SFTPA1: variants seen among roughly 807,000 people sequenced by gnomAD.
SFTPA1 encodes the protein surfactant protein A1.
A neutral mutation model predicts 19.1 loss-of-function variants in SFTPA1; 13 were observed. That is an observed-to-expected ratio of 0.68 (90% CI 0.44 to 1.08). The LOEUF (loss-of-function observed/expected upper bound fraction) is 1.08, where lower values mean the gene tolerates loss of function less well. Ranked by LOEUF, SFTPA1 falls within the 50% of genes least tolerant of loss-of-function variation. SFTPA1 has a pLI of 0.00. For synonymous variants in SFTPA1, 101 were observed against 117.0 expected, an observed-to-expected ratio of 0.86 and a Z score of 0.88; for missense variants, 259 against 316.4, an observed-to-expected ratio of 0.82 and a Z score of 1.38.
rs1059077 is a variant in SFTPA1, at chr10:79,614,371, C to T, written c.*258C>T. The T allele has an allele frequency of 1.8e-4, 104 of 591,208 alleles. No individual in the cohort carries two copies. The highest frequency in any genetic ancestry group is 1.3e-3 in the African/African-American group (71 of 53,746). 36.6% of individuals were successfully genotyped at this position (591,208 alleles called of 1,614,324 possible). On this transcript the variant is annotated 3_prime_UTR_variant, in exon 6 of 6. Coordinates refer to ENST00000398636, the MANE Select transcript of SFTPA1 (RefSeq NM_005411.5). ...GGCAGCCACTCTTAGCCTTGGCCTTCGACATGAGATGGAGCCCTCCTTATT... is the reference window on the plus strand; with the variant it reads ...GGCAGCCACTCTTAGCCTTGGCCTTTGACATGAGATGGAGCCCTCCTTATT...
rs1860009527 is a variant in SFTPA1, at chr10:79,613,852, T to A, written c.486T>A (p.Ile162=). The A allele has an allele frequency of 6.2e-7, 1 of 1,613,818 alleles. No homozygotes were observed. Residue 162 remains isoleucine (I), a synonymous_variant, in exon 6 of 6, where the codon ATT becomes ATA. Transcript: ENST00000398636. ...QEACARAGGR[I]AVPRNPEENE... ...CATGTGCCAGAGCAGGCGGCCGCATTGCTGTCCCAAGGAATCCAGAGGAAA... is the reference window on the plus strand; with the variant it reads ...CATGTGCCAGAGCAGGCGGCCGCATAGCTGTCCCAAGGAATCCAGAGGAAA...
rs1197999974 is a variant in SFTPA1 at position 79,611,302 on chromosome 10, T to C, written c.-94-17T>C. Reference sequence around the variant, plus strand: ...GGGGCCAGGCTGCGGGCCCCGTTCATCTTTTTTCATTCTCAGGTCGCTGAT... The same window carrying C: ...GGGGCCAGGCTGCGGGCCCCGTTCACCTTTTTTCATTCTCAGGTCGCTGAT... On this transcript the variant is annotated splice_polypyrimidine_tract_variant and intron_variant, in intron 1 of 5. Transcript: ENST00000398636. 5.7e-6 allele frequency: 2 copies of C among 353,352 alleles called. No homozygotes were observed. Among genetic ancestry groups the C allele is most frequent in the Non-Finnish European group, 1.0e-5 (2 of 193,122 alleles). 21.9% of individuals were successfully genotyped at this position (353,352 alleles called of 1,614,324 possible). A position where few individuals can be genotyped will look rare whatever the true frequency, so the allele number is the denominator to read the frequency against.
rs371681054 is a variant in SFTPA1, at chr10:79,614,325, C to A, written c.*212C>A. On this transcript the variant is annotated 3_prime_UTR_variant, in exon 6 of 6. Coordinates refer to ENST00000398636, the MANE Select transcript of SFTPA1 (RefSeq NM_005411.5). ...CCAGCCTTGACACTCCCCTTGCAAACTCTCCCAGCACTGCACCCCAGGCAG... is the reference window on the plus strand; with the variant it reads ...CCAGCCTTGACACTCCCCTTGCAAAATCTCCCAGCACTGCACCCCAGGCAG... The A allele has an allele frequency of 3.9e-6, 3 of 771,114 alleles. No homozygotes were observed. The highest frequency in any genetic ancestry group is 6.1e-6 in the Non-Finnish European group (3 of 491,866). The allele number at this position is 771,114 out of a possible 1,614,324, so 47.8% of individuals were successfully genotyped here.
chr10:79,614,893 CA>C lies in SFTPA1; in HGVS notation c.*781del, dbSNP rs1860079762. On this transcript the variant is annotated 3_prime_UTR_variant, in exon 6 of 6. Transcript: ENST00000398636. ...TACTTCAGATTTCAGTGGGCATTCACACCACCCCCCACACCACTGGCTCTGC... is the reference window on the plus strand; with the variant it reads ...TACTTCAGATTTCAGTGGGCATTCACCCACCCCCCACACCACTGGCTCTGC... 13 of 936,392 alleles carry C rather than the reference CA, an allele frequency of 1.4e-5. No individual in the cohort carries two copies. The highest frequency in any genetic ancestry group is 1.9e-5 in the Non-Finnish European group (13 of 680,540). The allele number at this position is 936,392 out of a possible 1,614,324, so 58.0% of individuals were successfully genotyped here.
rs1250991 is a variant in SFTPA1 at position 79,614,895 on chromosome 10, C to T, written c.*782C>T. 0.46 allele frequency: 432,966 copies of T among 951,190 alleles called. 107,443 individuals are homozygous for T. The highest frequency in any genetic ancestry group is 0.85 in the African/African-American group (49,588 of 58,192). 58.9% of individuals were successfully genotyped at this position (951,190 alleles called of 1,614,324 possible). ...CTTCAGATTTCAGTGGGCATTCACACCACCCCCCACACCACTGGCTCTGCT... is the reference window on the plus strand; with the variant it reads ...CTTCAGATTTCAGTGGGCATTCACATCACCCCCCACACCACTGGCTCTGCT... On this transcript the variant is annotated 3_prime_UTR_variant, in exon 6 of 6. Coordinates refer to ENST00000398636, the MANE Select transcript of SFTPA1 (RefSeq NM_005411.5).
Position 79,614,501 on chromosome 10 carries a change from C to G in SFTPA1, c.*388C>G, listed in dbSNP as rs1589241917. The G allele has an allele frequency of 4.5e-6, 1 of 221,948 alleles. No individual in the cohort carries two copies. The highest frequency in any genetic ancestry group is 2.5e-5 in the African/African-American group (1 of 39,514). The allele number at this position is 221,948 out of a possible 1,614,324, so 13.7% of individuals were successfully genotyped here. ...AGTGCCTGCCTCCTGGTCCCCTCAGCTCTCTCTCTGCAACCCAGTGCCATC... is the reference window on the plus strand; with the variant it reads ...AGTGCCTGCCTCCTGGTCCCCTCAGGTCTCTCTCTGCAACCCAGTGCCATC... On this transcript the variant is annotated 3_prime_UTR_variant, in exon 6 of 6. Coordinates refer to ENST00000398636, the MANE Select transcript of SFTPA1 (RefSeq NM_005411.5).
At position 79,614,438 on chromosome 10, in the gene SFTPA1, G is replaced by A. The variant is rs1174319916; in HGVS notation, c.*325G>A. 7.6e-6 allele frequency: 3 copies of A among 396,976 alleles called. No individual in the cohort carries two copies. The highest frequency in any genetic ancestry group is 1.4e-5 in the Non-Finnish European group (3 of 210,846). The allele number at this position is 396,976 out of a possible 1,614,324, so 24.6% of individuals were successfully genotyped here. On this transcript the variant is annotated 3_prime_UTR_variant, in exon 6 of 6. Transcript: ENST00000398636. ...TCCTTCACTTACAGATGGCAGCAGT[G>A]AGGTCTTGGGGTAGAAGGACCCTCC...
rs1234069578 is a variant in SFTPA1, at chr10:79,613,271, G to A, written c.370+5G>A. The A allele has an allele frequency of 1.9e-6, 3 of 1,614,058 alleles. No individual in the cohort carries two copies. Among genetic ancestry groups the A allele is most frequent in the South Asian group, 1.1e-5 (1 of 91,058 alleles). On this transcript the variant is annotated splice_donor_5th_base_variant and intron_variant, in intron 5 of 5. Coordinates refer to ENST00000398636, the MANE Select transcript of SFTPA1 (RefSeq NM_005411.5). ...AAATCCTGCAGACAAGGGGAGGTAAGGGGACCCCCTGGGCCTCACGGGGTA... is the reference window on the plus strand; with the variant it reads ...AAATCCTGCAGACAAGGGGAGGTAAAGGGACCCCCTGGGCCTCACGGGGTA...
chr10:79,612,340 A>T lies in SFTPA1; in HGVS notation c.201A>T (p.Pro67=), dbSNP rs759330217. Residue 67 remains proline, a synonymous_variant, in exon 4 of 6, where the codon CCA becomes CCT. Coordinates refer to ENST00000398636, the MANE Select transcript of SFTPA1 (RefSeq NM_005411.5). ...PGPMGPPGEM[P]CPPGNDGLPG... The stretch of plus-strand genomic sequence containing the variant: ...CCATGGGTCCACCTGGAGAAATGCC[A>T]TGTCCTCCTGGAAATGATGGGCTGC... 3 of 1,613,668 alleles carry T rather than the reference A, an allele frequency of 1.9e-6. No homozygotes were observed. The highest frequency in any genetic ancestry group is 1.7e-6 in the Non-Finnish European group (2 of 1,179,792).
In SFTPA1 at chr10:79,614,034, A is replaced by G. The variant is rs1225180061; in HGVS notation, c.668A>G (p.Gln223Arg). 3 of 1,614,214 alleles carry G rather than the reference A, an allele frequency of 1.9e-6. No homozygotes were observed. The highest frequency in any genetic ancestry group is 2.2e-5 in the South Asian group (2 of 91,088). ...GAGCCCGCAGGTCGGGGAAAAGAGC[A>G]GTGTGTGGAGATGTACACAGATGGG... ...RGEPAGRGKE[Q>R]CVEMYTDGQW... The change falls in exon 6 of 6, where the codon CAG (glutamine) becomes CGG (arginine). Residue 223 changes from glutamine (Q) to arginine (R), a missense_variant. Coordinates refer to ENST00000398636, the MANE Select transcript of SFTPA1 (RefSeq NM_005411.5).
chr10:79,612,470 C>A, intron 4 of SFTPA1, 39 bp downstream of exon 4: 1 of 1,602,464 alleles, frequency 6.2e-7, no homozygotes. Context: ...GAAACATGGG[C>A]ACAGCGACCC....
At position 79,614,372 on chromosome 10, in the gene SFTPA1, G is replaced by A. The variant is rs1194571748; in HGVS notation, c.*259G>A. On this transcript the variant is annotated 3_prime_UTR_variant, in exon 6 of 6. Coordinates refer to ENST00000398636, the MANE Select transcript of SFTPA1 (RefSeq NM_005411.5). ...GCAGCCACTCTTAGCCTTGGCCTTCGACATGAGATGGAGCCCTCCTTATTC... is the reference window on the plus strand; with the variant it reads ...GCAGCCACTCTTAGCCTTGGCCTTCAACATGAGATGGAGCCCTCCTTATTC... 1.7e-5 allele frequency: 10 copies of A among 587,978 alleles called. No individual in the cohort carries two copies. Among genetic ancestry groups the A allele is most frequent in the South Asian group, 6.2e-5 (3 of 48,606 alleles). 36.4% of individuals were successfully genotyped at this position (587,978 alleles called of 1,614,324 possible). A position where few individuals can be genotyped will look rare whatever the true frequency, so the allele number is the denominator to read the frequency against.
chr10:79,611,624 G>A (rs1460653506), intron 2 of SFTPA1, 179 bp from the exon 3 acceptor site: 2 of 1,551,964 alleles, frequency 1.3e-6, no homozygotes, highest in East Asian at 4.9e-5. Context: ...TGAAGCATGA[G>A]GCCATGCCAG....
At chr10:79,611,017 C>T (rs1339845116) in intron 1 of SFTPA1, 35 bp downstream of exon 1, 2 of 153,728 alleles carry the variant, frequency 1.3e-5, no homozygotes, top group Admixed American at 1.3e-4. Flanking sequence ...TGTTCTCCAG[C>T]TTGAGGATCG....
Position 79,614,120 on chromosome 10 carries a change from T to A in SFTPA1, c.*7T>A. On this transcript the variant is annotated 3_prime_UTR_variant, in exon 6 of 6. Coordinates refer to ENST00000398636, the MANE Select transcript of SFTPA1 (RefSeq NM_005411.5). ...GACCATCTGTGAGTTCTGAGAGGCA[T>A]TTAGGCCATGGGACAGGGAGGACGC... 1 of 1,614,204 alleles carries A rather than the reference T, an allele frequency of 6.2e-7. No homozygotes were observed. Among genetic ancestry groups the A allele is most frequent in the Non-Finnish European group, 8.5e-7 (1 of 1,180,020 alleles).
Position 79,612,288 on chromosome 10 carries a change from C to T in SFTPA1, c.173-24C>T, listed in dbSNP as rs747340651. The T allele has an allele frequency of 3.7e-5, 59 of 1,613,786 alleles. 1 individual carries two copies. Among genetic ancestry groups the T allele is most frequent in the Admixed American group, 2.2e-4 (13 of 60,002 alleles). ...CCAGTTGTGGGTGACAGATCCTACA[C>T]ATCCATGTCTCTTTTCTCTGCAGGC... On this transcript the variant is annotated intron_variant, in intron 3 of 5. Transcript: ENST00000398636.
chr10:79,614,329 C>T lies in SFTPA1; in HGVS notation c.*216C>T. 1 of 724,138 alleles carries T rather than the reference C, an allele frequency of 1.4e-6. No individual in the cohort carries two copies. The highest frequency in any genetic ancestry group is 2.2e-6 in the Non-Finnish European group (1 of 450,958). 44.9% of individuals were successfully genotyped at this position (724,138 alleles called of 1,614,324 possible). On this transcript the variant is annotated 3_prime_UTR_variant, in exon 6 of 6. Transcript: ENST00000398636. The stretch of plus-strand genomic sequence containing the variant: ...CCTTGACACTCCCCTTGCAAACTCT[C>T]CCAGCACTGCACCCCAGGCAGCCAC...
intron 4 of SFTPA1, 39 bp from the exon 5 acceptor site, chr10:79,613,150 C>T (rs374352397): frequency 1.2e-6 from 2 of 1,613,738 alleles, no homozygotes; most frequent in Non-Finnish European, 1.7e-6. Context: ...GGAGTCTTCA[C>T]TGGCCTGCCC....
In SFTPA1 at chr10:79,615,299, A is replaced by G. The variant is rs183835861; in HGVS notation, c.*1186A>G. On this transcript the variant is annotated 3_prime_UTR_variant, in exon 6 of 6. Coordinates refer to ENST00000398636, the MANE Select transcript of SFTPA1 (RefSeq NM_005411.5). ...GGACACTGAAGCTTGGAGGAGTTAA[A>G]TGTTTTGAGTATTATTCCAGAGAGC... The G allele has an allele frequency of 1.3e-4, 41 of 322,546 alleles. No individual in the cohort carries two copies. The highest frequency in any genetic ancestry group is 3.5e-4 in the East Asian group (4 of 11,330). 20.0% of individuals were successfully genotyped at this position (322,546 alleles called of 1,614,324 possible). A position where few individuals can be genotyped will look rare whatever the true frequency, so the allele number is the denominator to read the frequency against.
Sources: allele counts gnomAD v4.1 joint callset, GRCh38; gene constraint gnomAD v4.1.1; transcripts MANE v1.5; gene names NCBI Gene and HGNC (gene_info 2026-07-23, HGNC 2026-07-21).